The following POU2AF2 variants were observed in gnomAD, a reference collection of about 807,000 sequenced individuals.
POU2AF2 encodes the protein POU class 2 homeobox associating factor 2.
the POU2AF2 span, among the ~76,000 whole-genome samples, chr11:111,269,746 T>TA: frequency 6.6e-6 from 1 of 152,066 alleles, no homozygotes; most frequent in African/African-American, 2.4e-5. Context: ...GATCCAGGGG[T>TA]AAAAAATGTG....
the POU2AF2 span, among the ~76,000 whole-genome samples, chr11:111,271,047 G>A: frequency 6.6e-6 from 1 of 152,232 alleles, no homozygotes; most frequent in South Asian, 2.1e-4. Flanking sequence ...TCTGGGCGGG[G>A]TGCAGTGGCT....
At chr11:111,280,942 A>AG in the POU2AF2 span, among the ~76,000 whole-genome samples, 1 of 152,228 alleles carries the variant, frequency 6.6e-6, no homozygotes, top group Non-Finnish European at 1.5e-5. Flanking sequence ...TTCTTAGCTA[A>AG]GATGGAAAAG....
At chr11:111,264,427 C>T in the POU2AF2 span, among the ~76,000 whole-genome samples, 4 of 150,820 alleles carry the variant, frequency 2.7e-5, no homozygotes, top group South Asian at 2.1e-4. Context: ...ACCCGGGAGG[C>T]GGAGGTTGCA....
chr11:111,280,048 A>AT, the POU2AF2 span, among the ~76,000 whole-genome samples: 4 of 94,092 alleles, frequency 4.3e-5, no homozygotes, highest in South Asian at 1.3e-3. Flanking sequence ...CTCAAAAAAA[A>AT]AAAAAAAAAA....
the POU2AF2 span, chr11:111,255,958 G>A: frequency 1.3e-5 from 5 of 399,094 alleles, no homozygotes; most frequent in South Asian, 1.3e-4. Context: ...ATCCACATTC[G>A]TTGTGACTAT....
At chr11:111,281,439 A>G in the POU2AF2 span, 1 of 1,613,780 alleles carries the variant, frequency 6.2e-7, no homozygotes, top group African/African-American at 1.3e-5. Flanking sequence ...TGCAGATGCC[A>G]GGTGAGTACT....
chr11:111,257,525 C>G, the POU2AF2 span, among the ~76,000 whole-genome samples: 1 of 152,012 alleles, frequency 6.6e-6, no homozygotes, highest in Non-Finnish European at 1.5e-5. Flanking sequence ...CCTGCCACCA[C>G]GCCCCACTAA....
chr11:111,247,048 G>C, the POU2AF2 span, among the ~76,000 whole-genome samples: 2 of 151,666 alleles, frequency 1.3e-5, no homozygotes, highest in Non-Finnish European at 2.9e-5. Flanking sequence ...CCACATTCAA[G>C]TGAGATCATG....
the POU2AF2 span, among the ~76,000 whole-genome samples, chr11:111,253,322 C>T: frequency 5.9e-5 from 9 of 152,172 alleles, no homozygotes; most frequent in Non-Finnish European, 1.2e-4. Flanking sequence ...CCCCAGTATG[C>T]CAGGTGCTCA....
the POU2AF2 span, among the ~76,000 whole-genome samples, chr11:111,269,931 T>C: frequency 3.3e-5 from 5 of 152,356 alleles, no homozygotes; most frequent in South Asian, 8.3e-4. Flanking sequence ...ATCCCAGCAA[T>C]TGAAGACAGT....
chr11:111,280,057 AATATATATATAT>A, the POU2AF2 span, among the ~76,000 whole-genome samples: 4 of 76,498 alleles, frequency 5.2e-5, no homozygotes, highest in Non-Finnish European at 1.0e-4. Flanking sequence ...AAAAAAAAAA[AATATATATATAT>A]ATATATATAT....
At chr11:111,246,341 C>T in the POU2AF2 span, among the ~76,000 whole-genome samples, 1 of 152,164 alleles carries the variant, frequency 6.6e-6, no homozygotes, top group Non-Finnish European at 1.5e-5. Context: ...ATTCTATTTA[C>T]ATATGATAAG....
At chr11:111,258,545 A>G in the POU2AF2 span, among the ~76,000 whole-genome samples, 1 of 152,204 alleles carries the variant, frequency 6.6e-6, no homozygotes, top group Non-Finnish European at 1.5e-5. Flanking sequence ...TTTAAAATTT[A>G]CCTAATATGA....
the POU2AF2 span, among the ~76,000 whole-genome samples, chr11:111,280,800 T>C: frequency 6.6e-6 from 1 of 152,200 alleles, no homozygotes; most frequent in African/African-American, 2.4e-5. Context: ...AAAAAATGTA[T>C]GCTGAGGTCA....
At chr11:111,280,006 A>C in the POU2AF2 span, among the ~76,000 whole-genome samples, 5 of 144,418 alleles carry the variant, frequency 3.5e-5, no homozygotes, top group South Asian at 1.1e-3. Context: ...GTGCCATTGC[A>C]CTATAGCCTG....
chr11:111,254,544 C>G, the POU2AF2 span, among the ~76,000 whole-genome samples: 2 of 152,162 alleles, frequency 1.3e-5, no homozygotes, highest in Non-Finnish European at 2.9e-5. Context: ...CCATTTTACA[C>G]ATGAGGAAAA....
chr11:111,266,033 A>G, the POU2AF2 span, among the ~76,000 whole-genome samples: 1 of 152,144 alleles, frequency 6.6e-6, no homozygotes, highest in Admixed American at 6.5e-5. Context: ...CTAAATATCC[A>G]AAAACTCAAT....
At chr11:111,278,208 A>G in the POU2AF2 span, among the ~76,000 whole-genome samples, 2 of 152,188 alleles carry the variant, frequency 1.3e-5, no homozygotes, top group Admixed American at 6.5e-5. Context: ...GCTCGATGTA[A>G]TAATCTCATT....
the POU2AF2 span, among the ~76,000 whole-genome samples, chr11:111,261,160 C>CT: frequency 6.6e-6 from 1 of 151,856 alleles, no homozygotes; most frequent in African/African-American, 2.4e-5. Flanking sequence ...AATGGTTTTT[C>CT]TTTTTTCTTT....
Sources: allele counts gnomAD v4.1 joint callset (sites outside exome capture counted in the v4.1 genomes callset), GRCh38; gene constraint gnomAD v4.1.1; transcripts MANE v1.5; gene names NCBI Gene and HGNC (gene_info 2026-07-23, HGNC 2026-07-21).